Variants in NCOR2 observed in about 807,000 individuals in gnomAD.
The protein encoded by NCOR2 is CTG repeat protein 26.
NCOR2 carries 81 observed loss-of-function variants against 262.9 expected under a neutral mutation model. That is an observed-to-expected ratio of 0.31 (90% CI 0.26 to 0.37). The LOEUF (loss-of-function observed/expected upper bound fraction) is 0.37, where lower values mean the gene tolerates loss of function less well. NCOR2 is among the 10% of genes least tolerant of loss of function. NCOR2 has a pLI of 1.00. For missense variants in NCOR2, 3,385 were observed against 3,621.4 expected, an observed-to-expected ratio of 0.93 and a Z score of 1.68; for synonymous variants, 1,659 against 1,559.3, an observed-to-expected ratio of 1.06 and a Z score of -1.51.
intron 2 of NCOR2, 156 bp downstream of exon 4, chr12:124,486,285 G>T: frequency 3.3e-6 from 4 of 1,200,930 alleles, no homozygotes; most frequent in Non-Finnish European, 4.5e-6. Context: ...TCCTCACCCC[G>T]AGTCACGCCC....
rs1566004732 is a variant in NCOR2, at chr12:124,503,504, GGA to G, written c.-117-8138_-117-8137del. The stretch of plus-strand genomic sequence containing the variant: ...ATGGATGATGGATTGATGGATGGAT[GGA>G]TGGATGGACAGAGGATGGACAGATG... On this transcript the variant is annotated intron_variant, in intron 1 of 46. Coordinates refer to the NCOR2 transcript ENST00000404621. The surrounding 1 kb of genome is among the most constrained non-coding windows in gnomAD (Gnocchi z 4.3). Among the ~76,000 whole-genome samples, 1 of 151,926 alleles carries G rather than the reference GGA, an allele frequency of 6.6e-6. No homozygotes were observed. The highest frequency in any genetic ancestry group is 1.9e-4 in the East Asian group (1 of 5,184).
chr12:124,355,092 C>T lies in NCOR2; in HGVS notation c.3382-153G>A, dbSNP rs2037841301. On this transcript the variant is annotated intron_variant, in intron 24 of 46. Transcript: ENST00000405201. Reference sequence around the variant, plus strand: ...ACGGCAGACAAGTCACTGCTACTCCCAAGCCTCGGCCCCCTCCCCTGTGAA... The same window carrying T: ...ACGGCAGACAAGTCACTGCTACTCCTAAGCCTCGGCCCCCTCCCCTGTGAA... 5 of 668,804 alleles carry T rather than the reference C, an allele frequency of 7.5e-6. No homozygotes were observed. The East Asian group carries it at 1.4e-4, about 19-fold the overall frequency. The allele number at this position is 668,804 out of a possible 1,614,324, so 41.4% of individuals were successfully genotyped here.
chr12:124,372,439 G>A (rs749325325), exon 20 of NCOR2: 6 of 1,530,722 alleles, frequency 3.9e-6, no homozygotes, highest in Admixed American at 2.0e-5. Context: ...AGAGGCCGGG[G>A]TGGGCTCAGT....
Position 124,325,492 on chromosome 12 carries a change from GC to G in NCOR2, c.7454del (p.Ser2485ThrfsTer89). 1 of 1,359,716 alleles carries G rather than the reference GC, an allele frequency of 7.4e-7. No individual in the cohort carries two copies. The highest frequency in any genetic ancestry group is 9.5e-7 in the Non-Finnish European group (1 of 1,053,224). The allele number at this position is 1,359,716 out of a possible 1,614,324, so 84.2% of individuals were successfully genotyped here. ...CGTGGTGGGGGCCAGCGAGGGGCCC[GC>G]TGCCCGCGGGGAGGCCCGGTGGGGG... On this transcript the variant is annotated frameshift_variant, in exon 47 of 47. Transcript: ENST00000405201. LOFTEE classifies it high-confidence loss of function.
chr12:124,492,269 C>T (rs938843204), intron 1 of NCOR2, among the ~76,000 whole-genome samples: 1 of 152,190 alleles, frequency 6.6e-6, no homozygotes, highest in African/African-American at 2.4e-5. Flanking sequence ...ACATTGCCAC[C>T]GATGCACAGA....
exon 39 of NCOR2, chr12:124,335,507 C>A (rs1164166413): frequency 1.2e-6 from 2 of 1,607,770 alleles, no homozygotes; most frequent in Non-Finnish European, 8.5e-7. Context: ...CGCAGCTCCC[C>A]CTCCAGGTGG....
intron 1 of NCOR2, chr12:124,514,882 G>A (rs1274110030): frequency 6.6e-6 from 1 of 150,902 alleles, no homozygotes; most frequent in South Asian, 2.1e-4. Flanking sequence ...CCATGATCAG[G>A]GGCCCCAAAG....
chr12:124,518,601 ACTC>A (rs2049978104), intron 1 of NCOR2, among the ~76,000 whole-genome samples: 1 of 152,160 alleles, frequency 6.6e-6, no homozygotes, highest in Non-Finnish European at 1.5e-5. Flanking sequence ...ACATAAGTCC[ACTC>A]CTCTTGTTTG....
chr12:124,399,663 TG>T (rs1209539730), intron 15 of NCOR2, among the ~76,000 whole-genome samples: 1 of 151,738 alleles, frequency 6.6e-6, no homozygotes, highest in African/African-American at 2.4e-5. Flanking sequence ...CAGGGGACGG[TG>T]GGGGTCTGTG....
At chr12:124,335,248 G>C (rs1001974898) in exon 40 of NCOR2, 2 of 1,607,828 alleles carry the variant, frequency 1.2e-6, no homozygotes, top group Non-Finnish European at 1.7e-6. Context: ...AGGTGTGGGA[G>C]GTGGGCGGCC....
intron 8 of NCOR2, 54 bp from the exon 11 acceptor site, chr12:124,430,841 G>C: frequency 1.3e-6 from 2 of 1,541,412 alleles, no homozygotes; most frequent in Non-Finnish European, 1.7e-6. Flanking sequence ...GGCACCCGCC[G>C]CCTCCCCCCT....
intron 1 of NCOR2, among the ~76,000 whole-genome samples, chr12:124,530,736 C>G (rs1040786922): frequency 6.6e-6 from 1 of 152,148 alleles, no homozygotes; most frequent in Non-Finnish European, 1.5e-5. Flanking sequence ...TCCCCCTCTA[C>G]AAAAGCAAGG....
chr12:124,381,385 C>CA (rs2040399250), intron 17 of NCOR2, among the ~76,000 whole-genome samples: 1 of 152,182 alleles, frequency 6.6e-6, no homozygotes, highest in South Asian at 2.1e-4. Flanking sequence ...CTCCCACCCC[C>CA]ACCATCAATC....
intron 1 of NCOR2, among the ~76,000 whole-genome samples, chr12:124,502,733 G>A (rs2048813949): frequency 1.3e-5 from 2 of 152,178 alleles, no homozygotes; most frequent in Admixed American, 6.5e-5. Flanking sequence ...CAAGGCTGAC[G>A]TGCGGTCTCC....
At chr12:124,465,201 G>A (rs1270246332) in intron 5 of NCOR2, among the ~76,000 whole-genome samples, 2 of 152,252 alleles carry the variant, frequency 1.3e-5, no homozygotes, top group East Asian at 3.9e-4. Context: ...AGAAGCCAAG[G>A]CAGGGAGAGG....
intron 40 of NCOR2, 86 bp downstream of exon 42, chr12:124,335,049 A>T: frequency 6.3e-7 from 1 of 1,592,162 alleles, no homozygotes; most frequent in Non-Finnish European, 8.6e-7. Context: ...CCAGGACAGA[A>T]GGGCTGTGGG....
intron 22 of NCOR2, among the ~76,000 whole-genome samples, chr12:124,358,354 TGAA>T (rs139313035): frequency 0.029 from 4,412 of 151,186 alleles, 102 homozygotes; most frequent in South Asian, 0.1. Context: ...TACACAATGT[TGAA>T]GGAGGTAACC....
At chr12:124,545,765 C>T (rs1003441507) in intron 1 of NCOR2, among the ~76,000 whole-genome samples, 38 of 151,024 alleles carry the variant, frequency 2.5e-4, no homozygotes, top group African/African-American at 8.8e-4. Context: ...CCGCCCCGTG[C>T]TGGGAAGTTC....
At chr12:124,529,296 G>A (rs567176955) in intron 1 of NCOR2, among the ~76,000 whole-genome samples, 2 of 146,370 alleles carry the variant, frequency 1.4e-5, no homozygotes, top group Admixed American at 7.0e-5. Context: ...GCAAAACCCC[G>A]TCTCTACTAA....
Sources: gnomAD v4.1 joint callset for allele counts (sites outside exome capture counted in the v4.1 genomes callset) on GRCh38, gnomAD v4.1.1 for gene constraint, Gnocchi (gnomAD v3.1) non-coding constraint, MANE v1.5 for transcripts, NCBI Gene and HGNC (gene_info 2026-07-23, HGNC 2026-07-21) for gene names.